MYT1: variants seen among roughly 807,000 people sequenced by gnomAD.
MYT1 encodes myelin transcription factor 1, also known as myelin transcription factor I.
Under a neutral mutation model 123.0 loss-of-function variants are expected in MYT1, and 23 were observed. That is an observed-to-expected ratio of 0.19 (90% CI 0.13 to 0.26). The LOEUF (loss-of-function observed/expected upper bound fraction) is 0.26. MYT1 is among the 10% of genes least tolerant of loss of function. The pLI is 1.00. For missense variants in MYT1, 1,125 were observed against 1,472.5 expected (o/e 0.76, Z 3.86); for synonymous variants, 518 against 575.3 (o/e 0.90, Z 1.43).
chr20:64,237,327 G>T lies in MYT1; in HGVS notation c.3030G>T (p.Glu1010Asp), dbSNP rs1355048350. The T allele has an allele frequency of 1.9e-6, 3 of 1,611,228 alleles. No homozygotes were observed. Among genetic ancestry groups the T allele is most frequent in the Admixed American group, 1.7e-5 (1 of 59,758 alleles). The change falls in exon 21 of 23, where the codon GAG (glutamate) becomes GAT (aspartate). Residue 1010 changes from glutamate to aspartate, a missense_variant. Transcript: ENST00000328439. ...AGGAGATCAAGCAGCTGAACCAGGA[G>T]ATCCGAGACCTGAACGAGTCCAACT... ...NDEEIKQLNQ[E>D]IRDLNESNSE... is the part of the protein sequence containing the mutation.
At chr20:64,169,520 C>A (rs1251449357) in intron 1 of MYT1, among the ~76,000 whole-genome samples, 2 of 152,312 alleles carry the variant, frequency 1.3e-5, no homozygotes, top group African/African-American at 2.4e-5. Context: ...CAAGTTCCCT[C>A]TTGGCTCTGA....
chr20:64,222,966 C>T, intron 14 of MYT1, 145 bp from the exon 15 acceptor site: 1 of 786,644 alleles, frequency 1.3e-6, no homozygotes, highest in South Asian at 1.5e-5. Context: ...CACCGGCTGT[C>T]CTCCAAGGAC....
At chr20:64,179,628 A>G (rs967169834) in intron 1 of MYT1, among the ~76,000 whole-genome samples, 5 of 152,110 alleles carry the variant, frequency 3.3e-5, no homozygotes, top group African/African-American at 1.2e-4. Flanking sequence ...GTGGAAGCCC[A>G]GTACAGAGGC....
chr20:64,199,122 C>T (rs1462349925), intron 3 of MYT1, among the ~76,000 whole-genome samples: 2 of 152,212 alleles, frequency 1.3e-5, no homozygotes, highest in Admixed American at 6.5e-5. Context: ...GATGAACCTG[C>T]CTTGAGGGCA....
intron 7 of MYT1, among the ~76,000 whole-genome samples, chr20:64,210,676 C>T (rs1201499710): frequency 2.0e-5 from 3 of 152,220 alleles, no homozygotes; most frequent in African/African-American, 4.8e-5. Context: ...CCTGCTGGTC[C>T]CTATACTCTA....
rs150435760 is a variant in MYT1, at chr20:64,240,611, C to G, written c.*163C>G. The G allele has an allele frequency of 1.1e-6, 1 of 943,100 alleles. No homozygotes were observed. Among genetic ancestry groups the G allele is most frequent in the Non-Finnish European group, 1.5e-6 (1 of 658,334 alleles). The allele number at this position is 943,100 out of a possible 1,614,324, so 58.4% of individuals were successfully genotyped here. A position where few individuals can be genotyped will look rare whatever the true frequency, so the allele number is the denominator to read the frequency against. ...GATGGCTGGAAATTGGCCGCTCCCA[C>G]GAGGCTCCCTCCAGGCTTGGGGCCG... On this transcript the variant is annotated 3_prime_UTR_variant, in exon 23 of 23. Coordinates refer to ENST00000328439, the MANE Select transcript of MYT1 (RefSeq NM_004535.3).
chr20:64,187,135 G>C (rs564053777), intron 1 of MYT1, among the ~76,000 whole-genome samples: 1 of 148,702 alleles, frequency 6.7e-6, no homozygotes, highest in Non-Finnish European at 1.5e-5. Context: ...CGTGGCCCCG[G>C]CATCCACGTT....
At chr20:64,236,520 T>G (rs1984554401) in intron 19 of MYT1, 35 bp from the exon 20 acceptor site, 1 of 1,576,804 alleles carries the variant, frequency 6.3e-7, no homozygotes, top group Non-Finnish European at 8.7e-7. Flanking sequence ...TGGGTGACCC[T>G]GGGCTGGTGA....
intron 14 of MYT1, among the ~76,000 whole-genome samples, chr20:64,222,639 G>A (rs1281686957): frequency 2.6e-5 from 4 of 152,248 alleles, no homozygotes; most frequent in African/African-American, 9.6e-5. Flanking sequence ...GGCTGTGCCT[G>A]GCACCTGCTC....
rs745521144 is a variant in MYT1 at position 64,232,345 on chromosome 20, G to A, written c.2857G>A (p.Gly953Ser). The A allele has an allele frequency of 1.2e-6, 2 of 1,613,008 alleles. No individual in the cohort carries two copies. Among genetic ancestry groups the A allele is most frequent in the Non-Finnish European group, 1.7e-6 (2 of 1,179,996 alleles). The stretch of plus-strand genomic sequence containing the variant: ...GACCTGCCCCACCCCGGGCTGTGAC[G>A]GCTCTGGCCACGCCAATGGGAGTTT... ...GPTCPTPGCD[G>S]SGHANGSFLT... is the part of the protein sequence containing the mutation. Residue 953 changes from glycine to serine, a missense_variant, in exon 19 of 23, where the codon GGC becomes AGC. Physicochemically the swap from Gly to Ser is moderately conservative, Grantham distance 56. Coordinates refer to ENST00000328439, the MANE Select transcript of MYT1 (RefSeq NM_004535.3). This position sits in a 1 kb window ranked among gnomAD's most constrained non-coding sequence, Gnocchi z 6.9.
At chr20:64,237,872 A>T (rs1984598856) in intron 21 of MYT1, among the ~76,000 whole-genome samples, 1 of 152,126 alleles carries the variant, frequency 6.6e-6, no homozygotes, top group African/African-American at 2.4e-5. Flanking sequence ...GGGACCTGAC[A>T]AACCTTTCAG....
chr20:64,239,650 A>C, intron 21 of MYT1, 110 bp from the exon 22 acceptor site: 1 of 1,483,834 alleles, frequency 6.7e-7, no homozygotes, highest in Non-Finnish European at 9.1e-7. Context: ...CTCTTCCCCC[A>C]CCCCAGGGTT....
chr20:64,216,129 G>A (rs770087788), intron 10 of MYT1, among the ~76,000 whole-genome samples: 3 of 152,154 alleles, frequency 2.0e-5, no homozygotes, highest in Non-Finnish European at 2.9e-5. Context: ...TTAAGTTCTC[G>A]TAGCACCCAG....
intron 18 of MYT1, among the ~76,000 whole-genome samples, chr20:64,228,364 G>T (rs1299804722): frequency 6.6e-6 from 1 of 152,220 alleles, no homozygotes; most frequent in Non-Finnish European, 1.5e-5. Flanking sequence ...GGAGGAGAAG[G>T]TGGTTAGAAC....
At position 64,207,518 on chromosome 20, in the gene MYT1, G is replaced by A. The variant is rs1983515937; in HGVS notation, c.398-76G>A. On this transcript the variant is annotated intron_variant, in intron 6 of 22. Transcript: ENST00000328439. ...GTGGTAGGTCAGGTGGAGGGGTGGT[G>A]GGTGTGTTGGGGACTGGAGACCTGG... The A allele has an allele frequency of 1.1e-5, 17 of 1,546,030 alleles. No homozygotes were observed. In the South Asian group the frequency reaches 2.0e-4, roughly 18 times the overall value.
At chr20:64,204,895 T>G in intron 4 of MYT1, 140 bp from the exon 5 acceptor site, 1 of 737,678 alleles carries the variant, frequency 1.4e-6, no homozygotes. Context: ...GGGCGAGTTA[T>G]TAATTTTCAG....
At chr20:64,188,842 A>G (rs938996273) in intron 1 of MYT1, among the ~76,000 whole-genome samples, 2 of 152,196 alleles carry the variant, frequency 1.3e-5, no homozygotes, top group African/African-American at 4.8e-5. Context: ...GAGCCCTGTC[A>G]TCTCAGCGAC....
At chr20:64,235,976 C>A (rs1357418843) in intron 19 of MYT1, among the ~76,000 whole-genome samples, 9 of 125,824 alleles carry the variant, frequency 7.2e-5, no homozygotes, top group African/African-American at 2.3e-4. Flanking sequence ...CCTGGGATGG[C>A]CGCGGTGGGT....
chr20:64,238,649 C>T (rs1442760869), intron 21 of MYT1, among the ~76,000 whole-genome samples: 3 of 152,230 alleles, frequency 2.0e-5, no homozygotes, highest in African/African-American at 7.2e-5. Flanking sequence ...CCCGTCCCCT[C>T]CTGGTGTCTC....
Sources: allele counts gnomAD v4.1 joint callset (sites outside exome capture counted in the v4.1 genomes callset), GRCh38; gene constraint gnomAD v4.1.1; non-coding constraint Gnocchi (gnomAD v3.1); transcripts MANE v1.5; gene names NCBI Gene and HGNC (gene_info 2026-07-23, HGNC 2026-07-21).